NTN1: variants seen among roughly 807,000 people sequenced by gnomAD.
NTN1 encodes netrin-1.
NTN1 carries 11 observed loss-of-function variants against 54.2 expected under a neutral mutation model. That is an observed-to-expected ratio of 0.20 (90% CI 0.13 to 0.34). The LOEUF (loss-of-function observed/expected upper bound fraction) is 0.34. Ranked by LOEUF, NTN1 falls within the 10% of genes least tolerant of loss-of-function variation. The pLI, the probability that NTN1 is intolerant of heterozygous loss-of-function variation, is 1.00. For synonymous variants in NTN1, 371 were observed against 382.0 expected, an observed-to-expected ratio of 0.97 and a Z score of 0.33; for missense variants, 740 against 893.1, an observed-to-expected ratio of 0.83 and a Z score of 2.18.
At chr17:9,217,694 C>G (rs1452528352) in intron 5 of NTN1, among the ~76,000 whole-genome samples, 1 of 152,072 alleles carries the variant, frequency 6.6e-6, no homozygotes, top group East Asian at 1.9e-4. Context: ...TAAGGGAGAA[C>G]ATTTCAGCCT....
chr17:9,200,175 C>G (rs2142335800), intron 5 of NTN1, among the ~76,000 whole-genome samples: 1 of 152,358 alleles, frequency 6.6e-6, no homozygotes, highest in South Asian at 2.1e-4. Context: ...GTGCTGACAG[C>G]AGTTCTAGTC....
intron 5 of NTN1, among the ~76,000 whole-genome samples, chr17:9,209,626 G>A (rs1017907818): frequency 1.2e-4 from 19 of 152,164 alleles, no homozygotes; most frequent in African/African-American, 3.9e-4. Flanking sequence ...GAAAGAAAGG[G>A]CAGGGCTTCC....
chr17:9,147,792 C>T (rs902732211), intron 2 of NTN1, among the ~76,000 whole-genome samples: 3 of 152,162 alleles, frequency 2.0e-5, no homozygotes, highest in Admixed American at 2.0e-4. Flanking sequence ...GATGGTAGGC[C>T]ACCTAAAATC....
intron 2 of NTN1, among the ~76,000 whole-genome samples, chr17:9,129,615 C>T (rs976481158): frequency 2.0e-5 from 3 of 152,340 alleles, no homozygotes; most frequent in South Asian, 4.1e-4. Context: ...ATGTCACCCT[C>T]GGCGTCTGCC....
chr17:9,035,155 C>A (rs565729185), intron 2 of NTN1, among the ~76,000 whole-genome samples: 2 of 152,166 alleles, frequency 1.3e-5, no homozygotes. Flanking sequence ...ACTGTGTTAG[C>A]CAGGATGGTC....
intron 5 of NTN1, among the ~76,000 whole-genome samples, chr17:9,206,525 G>A (rs1904972996): frequency 6.6e-6 from 1 of 152,072 alleles, no homozygotes; most frequent in Non-Finnish European, 1.5e-5. Context: ...TGGCAGGCTT[G>A]CCCCCTCCCA....
At chr17:9,073,792 C>T (rs867391135) in intron 2 of NTN1, among the ~76,000 whole-genome samples, 1 of 152,198 alleles carries the variant, frequency 6.6e-6, no homozygotes, top group South Asian at 2.1e-4. Context: ...GTGCCTGGCT[C>T]GGAAAATGAC....
chr17:9,124,332 G>A (rs1379051773), intron 2 of NTN1, among the ~76,000 whole-genome samples: 2 of 152,236 alleles, frequency 1.3e-5, no homozygotes, highest in East Asian at 1.9e-4. Context: ...TCCCTGGGCT[G>A]TTGCCATGAC....
the NTN1 span, among the ~76,000 whole-genome samples, chr17:9,004,106 ATC>A: frequency 6.6e-6 from 1 of 152,212 alleles, no homozygotes; most frequent in Non-Finnish European, 1.5e-5. Context: ...TCAAACGCGC[ATC>A]TAGAAGGAGG....
chr17:9,009,765 C>T, the NTN1 span, among the ~76,000 whole-genome samples: 1 of 151,654 alleles, frequency 6.6e-6, no homozygotes, highest in Admixed American at 6.6e-5. Flanking sequence ...AACATTTTTC[C>T]ATCAAAATCA....
intron 2 of NTN1, among the ~76,000 whole-genome samples, chr17:9,114,626 G>T (rs1228997637): frequency 1.3e-5 from 2 of 152,042 alleles, no homozygotes; most frequent in African/African-American, 4.8e-5. Context: ...GGTGGCGGGT[G>T]CCTGTAATCC....
intron 2 of NTN1, among the ~76,000 whole-genome samples, chr17:9,123,028 C>T (rs568213940): frequency 3.9e-4 from 59 of 152,186 alleles, no homozygotes; most frequent in African/African-American, 1.4e-3. Flanking sequence ...ATCTTTGTGC[C>T]ATTCTCAGTG....
chr17:9,089,038 C>T (rs893187206), intron 2 of NTN1, among the ~76,000 whole-genome samples: 4 of 152,152 alleles, frequency 2.6e-5, no homozygotes, highest in African/African-American at 9.7e-5. Flanking sequence ...GGACCCCCAG[C>T]TTAGGGTACA....
intron 2 of NTN1, among the ~76,000 whole-genome samples, chr17:9,141,636 G>C (rs544191290): frequency 6.6e-6 from 1 of 152,220 alleles, no homozygotes; most frequent in South Asian, 2.1e-4. Context: ...GCAGAGAGGG[G>C]AGCAGTCTGA....
At chr17:9,054,088 G>A (rs1337022695) in intron 2 of NTN1, among the ~76,000 whole-genome samples, 2 of 152,142 alleles carry the variant, frequency 1.3e-5, no homozygotes, top group Admixed American at 6.5e-5. Context: ...TAAATGCGAG[G>A]CTGCCATGAA....
At chr17:9,029,105 G>A (rs2091881050) in intron 2 of NTN1, among the ~76,000 whole-genome samples, 1 of 152,078 alleles carries the variant, frequency 6.6e-6, no homozygotes, top group Non-Finnish European at 1.5e-5. Context: ...AGCCCTTGTG[G>A]TCTCTGCAGG....
At chr17:9,091,613 C>T (rs2092110887) in intron 2 of NTN1, among the ~76,000 whole-genome samples, 1 of 152,024 alleles carries the variant, frequency 6.6e-6, no homozygotes, top group East Asian at 1.9e-4. Context: ...GCCACCACGC[C>T]CGGCTGATTT....
chr17:9,012,581 G>T, the NTN1 span, among the ~76,000 whole-genome samples: 16 of 149,650 alleles, frequency 1.1e-4, no homozygotes, highest in African/African-American at 3.2e-4. Context: ...TGCACGTGCC[G>T]TTCCCTCTGC....
chr17:9,067,028 C>T (rs571963000), intron 2 of NTN1, among the ~76,000 whole-genome samples: 10 of 144,820 alleles, frequency 6.9e-5, no homozygotes, highest in East Asian at 2.0e-4. Flanking sequence ...CACATTGAGC[C>T]GGAGTCGGCA....
Sources: allele counts gnomAD v4.1 joint callset (sites outside exome capture counted in the v4.1 genomes callset), GRCh38; gene constraint gnomAD v4.1.1; transcripts MANE v1.5; gene names NCBI Gene and HGNC (gene_info 2026-07-23, HGNC 2026-07-21).